The following TASP1 variants were observed in gnomAD, a reference collection of about 807,000 sequenced individuals.
TASP1 encodes the protein taspase 1.
In TASP1, 16 loss-of-function variants were observed where a neutral mutation model predicts 56.6. The ratio of observed to expected loss-of-function variants is 0.28; its 90% CI spans 0.19 to 0.43. The LOEUF (loss-of-function observed/expected upper bound fraction) is 0.43. Ranked by LOEUF, TASP1 falls within the 20% of genes least tolerant of loss-of-function variation. TASP1 has a pLI of 1.00. For synonymous variants in TASP1, 179 were observed against 184.2 expected (o/e 0.97, Z 0.23); for missense variants, 393 against 511.6 (o/e 0.77, Z 2.24).
chr20:13,565,993 C>A (rs781047661), intron 7 of TASP1, among the ~76,000 whole-genome samples: 1 of 152,118 alleles, frequency 6.6e-6, no homozygotes, highest in Non-Finnish European at 1.5e-5. Context: ...TATATACATA[C>A]AATGAAACAC....
the TASP1 span, among the ~76,000 whole-genome samples, chr20:13,314,219 T>C: frequency 6.6e-6 from 1 of 152,028 alleles, no homozygotes; most frequent in Non-Finnish European, 1.5e-5. Context: ...GAAATAATAA[T>C]AACAGAATTT....
chr20:13,329,430 A>G, the TASP1 span, among the ~76,000 whole-genome samples: 1 of 152,316 alleles, frequency 6.6e-6, no homozygotes, highest in East Asian at 1.9e-4. Context: ...AACACCACTA[A>G]AACCTTGATC....
chr20:13,415,790 A>G (rs1383204350), intron 13 of TASP1, among the ~76,000 whole-genome samples: 4 of 152,210 alleles, frequency 2.6e-5, no homozygotes, highest in African/African-American at 9.6e-5. Flanking sequence ...GGGACTTAAT[A>G]ACATAATCAT....
chr20:13,400,029 C>G (rs747703280), intron 13 of TASP1, among the ~76,000 whole-genome samples: 2 of 152,188 alleles, frequency 1.3e-5, no homozygotes, highest in African/African-American at 4.8e-5. Flanking sequence ...CTACCTAACG[C>G]TGGAATCCCT....
At chr20:13,211,236 G>A in the TASP1 span, among the ~76,000 whole-genome samples, 1 of 152,232 alleles carries the variant, frequency 6.6e-6, no homozygotes, top group East Asian at 1.9e-4. Context: ...ATCACATTTT[G>A]AAACATAACC....
chr20:13,543,319 C>T (rs1302453139), intron 8 of TASP1, among the ~76,000 whole-genome samples: 1 of 152,146 alleles, frequency 6.6e-6, no homozygotes, highest in African/African-American at 2.4e-5. Flanking sequence ...GATTTCTTGG[C>T]CACGCACAGT....
the TASP1 span, chr20:13,368,145 C>G: frequency 2.0e-5 from 3 of 152,136 alleles, no homozygotes; most frequent in Non-Finnish European, 4.4e-5. Flanking sequence ...TAAGTTTCTT[C>G]CTAAACCATG....
intron 4 of TASP1, among the ~76,000 whole-genome samples, chr20:13,612,970 G>A (rs1478733032): frequency 6.6e-6 from 1 of 152,082 alleles, no homozygotes; most frequent in South Asian, 2.1e-4. Context: ...ATAGAGGATG[G>A]GTTTGAAGGA....
chr20:13,358,058 A>G, the TASP1 span, among the ~76,000 whole-genome samples: 1 of 152,178 alleles, frequency 6.6e-6, no homozygotes, highest in Non-Finnish European at 1.5e-5. Context: ...TTAACTGATG[A>G]CATTACCTTG....
At chr20:13,485,039 T>A (rs1448863437) in intron 10 of TASP1, among the ~76,000 whole-genome samples, 3 of 152,084 alleles carry the variant, frequency 2.0e-5, no homozygotes, top group African/African-American at 7.2e-5. Context: ...AAGTGATGGG[T>A]TGATGGGTGG....
At chr20:13,414,606 C>T (rs79757944) in intron 13 of TASP1, among the ~76,000 whole-genome samples, 9,657 of 152,128 alleles carry the variant, frequency 0.063, 455 homozygotes, top group African/African-American at 0.13. Context: ...AGTTTTAACA[C>T]CTGTTTCTAT....
chr20:13,466,028 G>A (rs1011377019), intron 11 of TASP1, among the ~76,000 whole-genome samples: 6 of 152,086 alleles, frequency 3.9e-5, no homozygotes, highest in African/African-American at 1.4e-4. Flanking sequence ...GGGAAACTGA[G>A]TAACATTGGC....
the TASP1 span, among the ~76,000 whole-genome samples, chr20:13,370,236 A>G: frequency 6.6e-6 from 1 of 152,214 alleles, no homozygotes; most frequent in African/African-American, 2.4e-5. Context: ...AATATAAGAT[A>G]CAAAGAAAAA....
chr20:13,445,222 C>A (rs1273257466), intron 11 of TASP1, among the ~76,000 whole-genome samples: 1 of 152,082 alleles, frequency 6.6e-6, no homozygotes, highest in East Asian at 1.9e-4. Context: ...ATAAACCAAA[C>A]CAAACTGAGA....
the TASP1 span, among the ~76,000 whole-genome samples, chr20:13,145,272 T>C: frequency 7.2e-5 from 11 of 152,142 alleles, no homozygotes; most frequent in African/African-American, 2.7e-4. Flanking sequence ...CCTCAGCTGA[T>C]AAACGACTTC....
intron 6 of TASP1, among the ~76,000 whole-genome samples, chr20:13,579,804 ACT>A (rs1455999424): frequency 2.6e-5 from 4 of 152,146 alleles, no homozygotes; most frequent in African/African-American, 9.7e-5. Context: ...TTCATAATTG[ACT>A]CTCTAGTGCC....
chr20:13,453,396 A>G (rs117362028), intron 11 of TASP1, among the ~76,000 whole-genome samples: 64 of 152,262 alleles, frequency 4.2e-4, no homozygotes, highest in Non-Finnish European at 6.5e-4. Context: ...TGATGACACA[A>G]TGGTCACATT....
At chr20:13,577,896 G>A (rs1601317917) in intron 6 of TASP1, among the ~76,000 whole-genome samples, 1 of 152,068 alleles carries the variant, frequency 6.6e-6, no homozygotes, top group Non-Finnish European at 1.5e-5. Context: ...AATATAACTA[G>A]AAAACAGTTT....
chr20:13,393,248 C>G (rs192273592), intron 13 of TASP1: 1 of 737,816 alleles, frequency 1.4e-6, no homozygotes, highest in Non-Finnish European at 2.5e-6. Flanking sequence ...ATGGCCCCTC[C>G]GGGAAACTGT....
Sources: gnomAD v4.1 joint callset for allele counts (sites outside exome capture counted in the v4.1 genomes callset) on GRCh38, gnomAD v4.1.1 for gene constraint, MANE v1.5 for transcripts, NCBI Gene and HGNC (gene_info 2026-07-23, HGNC 2026-07-21) for gene names.